Variants in DNAH10 observed in about 807,000 individuals in gnomAD.
DNAH10 encodes axonemal beta dynein heavy chain 10.
Under a neutral mutation model 506.6 loss-of-function variants are expected in DNAH10, and 348 were observed. The observed-to-expected ratio is 0.69, with a 90% CI of 0.63 to 0.75. The LOEUF (loss-of-function observed/expected upper bound fraction) is 0.75. Ranked by LOEUF, DNAH10 falls within the 30% of genes least tolerant of loss-of-function variation. DNAH10 has a pLI of 0.00. For missense variants in DNAH10, 5,179 were observed against 5,787.1 expected, an observed-to-expected ratio of 0.89 and a Z score of 3.41; for synonymous variants, 2,059 against 2,198.6, an observed-to-expected ratio of 0.94 and a Z score of 1.78.
At chr12:123,858,155 T>C (rs1362819965) in intron 37 of DNAH10, among the ~76,000 whole-genome samples, 1 of 152,066 alleles carries the variant, frequency 6.6e-6, no homozygotes, top group Non-Finnish European at 1.5e-5. Context: ...TCACCTCACC[T>C]TTTTTTTCTC....
chr12:123,823,688 G>T (rs557152821), intron 24 of DNAH10, among the ~76,000 whole-genome samples: 2 of 152,282 alleles, frequency 1.3e-5, no homozygotes, highest in East Asian at 3.9e-4. Context: ...GGCATGCAAT[G>T]TGTAATAATC....
At chr12:123,918,022 GT>G (rs1954563355) in intron 64 of DNAH10, among the ~76,000 whole-genome samples, 1 of 152,212 alleles carries the variant, frequency 6.6e-6, no homozygotes. Flanking sequence ...TAAATCGAGA[GT>G]GATAGAAAAT....
intron 51 of DNAH10, among the ~76,000 whole-genome samples, chr12:123,884,196 G>A (rs534504586): frequency 2.8e-4 from 43 of 152,282 alleles, no homozygotes; most frequent in Non-Finnish European, 5.1e-4. Flanking sequence ...CACCACGCCC[G>A]GCTAACTTTT....
At position 123,767,625 on chromosome 12, in the gene DNAH10, T is replaced by TGAAGAGGGA. The variant is rs1346012937; in HGVS notation, c.242_250dup (p.Gly81_Glu83dup). The TGAAGAGGGA allele has an allele frequency of 6.2e-7, 1 of 1,612,650 alleles. No individual in the cohort carries two copies. The highest frequency in any genetic ancestry group is 2.2e-5 in the East Asian group (1 of 44,872). On this transcript the variant is annotated inframe_insertion, in exon 2 of 79. Coordinates refer to ENST00000673944, the MANE Select transcript of DNAH10 (RefSeq NM_001372106.1). ...ATAAAGATGAGATACCTGTCCTGTC[T>TGAAGAGGGA]GAAGAGGGAGAAGAGGAAGAAGAGA...
rs1358794286 is a variant in DNAH10, at chr12:123,902,365, G to A, written c.9641-574G>A. 6.6e-6 allele frequency among the ~76,000 whole-genome samples: 1 copy of A among 152,214 alleles called. No homozygotes were observed. Among genetic ancestry groups the A allele is most frequent in the Non-Finnish European group, 1.5e-5 (1 of 68,032 alleles). On this transcript the variant is annotated intron_variant, in intron 56 of 78. Coordinates refer to ENST00000673944, the MANE Select transcript of DNAH10 (RefSeq NM_001372106.1). The surrounding 1 kb of genome is among the most constrained non-coding windows in gnomAD (Gnocchi z 4.5). The stretch of plus-strand genomic sequence containing the variant: ...AGCCAAGCCCTGCTCTAGGTTTTGG[G>A]GTTCCGGCCCTCGGGGAGGTGCTGA...
chr12:123,881,573 T>G, intron 50 of DNAH10, 52 bp from the exon 51 acceptor site: 1 of 1,489,820 alleles, frequency 6.7e-7, no homozygotes. Context: ...ATGGGTAGAT[T>G]GTAAAACCCA....
intron 36 of DNAH10, among the ~76,000 whole-genome samples, chr12:123,855,347 G>A (rs548118639): frequency 1.4e-4 from 21 of 152,132 alleles, no homozygotes; most frequent in African/African-American, 3.1e-4. Context: ...AAGGCTGGGC[G>A]CAGTGGCTCA....
At chr12:123,783,409 A>AG in intron 7 of DNAH10, 145 bp downstream of exon 7, 1 of 926,152 alleles carries the variant, frequency 1.1e-6, no homozygotes, top group Non-Finnish European at 1.6e-6. Context: ...AAACACACCC[A>AG]AAATATCATT....
intron 45 of DNAH10, 89 bp downstream of exon 45, chr12:123,871,691 A>C: frequency 2.9e-3 from 4,020 of 1,410,434 alleles, no homozygotes; most frequent in Non-Finnish European, 3.5e-3. Flanking sequence ...CTGTGATCTC[A>C]CAGTTTCCGT....
At chr12:123,870,284 A>T (rs1403999191) in intron 43 of DNAH10, 82 bp from the exon 44 acceptor site, 2 of 1,529,570 alleles carry the variant, frequency 1.3e-6, no homozygotes, top group East Asian at 4.8e-5. Context: ...AAGCAACATT[A>T]GTTCATTTCA....
chr12:123,882,675 C>T (rs1046939554), intron 51 of DNAH10, among the ~76,000 whole-genome samples: 14 of 151,546 alleles, frequency 9.2e-5, no homozygotes, highest in African/African-American at 3.2e-4. Context: ...CACCTGTAAT[C>T]CCAGCTACTC....
chr12:123,818,733 C>T (rs1452215871), intron 21 of DNAH10, among the ~76,000 whole-genome samples: 1 of 152,162 alleles, frequency 6.6e-6, no homozygotes, highest in African/African-American at 2.4e-5. Flanking sequence ...CCTCCTGCCT[C>T]AGCCCCCCAA....
Position 123,826,891 on chromosome 12 carries a change from A to G in DNAH10, c.4384A>G (p.Arg1462Gly), listed in dbSNP as rs1270446071. The G allele has an allele frequency of 1.6e-5, 26 of 1,612,486 alleles. No individual in the cohort carries two copies. Among genetic ancestry groups the G allele is most frequent in the Non-Finnish European group, 2.2e-5 (26 of 1,179,158 alleles). Reference sequence around the variant, plus strand: ...TCTTGACTTGAAAAACGAGGCACTAAGAGACAGGTTTGTTTTGTCCTCTGT... The same window carrying G: ...TCTTGACTTGAAAAACGAGGCACTAGGAGACAGGTTTGTTTTGTCCTCTGT... Reference protein sequence around the residue: ...LLLDLKNEALRDRHWKELMEK... With the variant: ...LLLDLKNEALGDRHWKELMEK... The change falls in exon 25 of 79, where the codon AGA becomes GGA. Residue 1462 changes from arginine (R) to glycine (G), a missense_variant. Transcript: ENST00000673944.
rs568397526 is a variant in DNAH10 at position 123,787,642 on chromosome 12, A to T, written c.1422-162A>T. Reference sequence around the variant, plus strand: ...TGGGACTCCCGCCCTTGCACATGGGACAGGGCAGCCGCTTGCCCGCTCTGC... The same window carrying T: ...TGGGACTCCCGCCCTTGCACATGGGTCAGGGCAGCCGCTTGCCCGCTCTGC... On this transcript the variant is annotated intron_variant, in intron 9 of 78. Coordinates refer to ENST00000673944, the MANE Select transcript of DNAH10 (RefSeq NM_001372106.1). The surrounding 1 kb of genome is among the most constrained non-coding windows in gnomAD (Gnocchi z 4.6). Among the ~76,000 whole-genome samples, 7 of 152,358 alleles carry T rather than the reference A, an allele frequency of 4.6e-5. No homozygotes were observed. The South Asian group carries it at 1.4e-3, about 32-fold the overall frequency.
chr12:123,849,253 C>G (rs1229692842), intron 34 of DNAH10, among the ~76,000 whole-genome samples: 2 of 152,216 alleles, frequency 1.3e-5, no homozygotes, highest in Admixed American at 6.5e-5. Flanking sequence ...ATCATTATCA[C>G]AGTGAACAAG....
chr12:123,905,318 G>A (rs939065154), intron 57 of DNAH10, among the ~76,000 whole-genome samples: 11 of 152,132 alleles, frequency 7.2e-5, no homozygotes, highest in African/African-American at 9.7e-5. Flanking sequence ...TACAAACAGC[G>A]TGGCAAAGAA....
intron 47 of DNAH10, among the ~76,000 whole-genome samples, chr12:123,875,718 T>C (rs780071127): frequency 6.6e-6 from 1 of 152,212 alleles, no homozygotes; most frequent in Non-Finnish European, 1.5e-5. Context: ...AAGAGGTCCA[T>C]GGAGGTAAAA....
In DNAH10 at chr12:123,766,944, C is replaced by T. The variant is rs751181233; in HGVS notation, c.215-662C>T. Among the ~76,000 whole-genome samples the T allele has an allele frequency of 7.4e-4, 104 of 139,780 alleles. 1 individual carries two copies. The highest frequency in any genetic ancestry group is 4.5e-4 in the South Asian group (2 of 4,488). The allele number at this position is 139,780 out of a possible 152,430, so 91.7% of individuals were successfully genotyped here. A position where few individuals can be genotyped will look rare whatever the true frequency, so the allele number is the denominator to read the frequency against. ...TTTTTGAGACAGAGCCTCACTTTGT[C>T]TCCCAGGCTGGAGTGCAGTGGTGTG... On this transcript the variant is annotated intron_variant, in intron 1 of 78. Coordinates refer to ENST00000673944, the MANE Select transcript of DNAH10 (RefSeq NM_001372106.1).
intron 51 of DNAH10, among the ~76,000 whole-genome samples, chr12:123,884,224 G>A (rs1952632643): frequency 6.6e-6 from 1 of 152,186 alleles, no homozygotes; most frequent in South Asian, 2.1e-4. Context: ...TACTAGAGAC[G>A]GGGTTTCGCC....
Sources: allele counts gnomAD v4.1 joint callset (sites outside exome capture counted in the v4.1 genomes callset), GRCh38; gene constraint gnomAD v4.1.1; non-coding constraint Gnocchi (gnomAD v3.1); transcripts MANE v1.5; gene names NCBI Gene and HGNC (gene_info 2026-07-23, HGNC 2026-07-21).